Variants in C1QL4 observed in about 807,000 individuals in gnomAD.
C1QL4 encodes the protein complement C1q-like protein 4.
A neutral mutation model predicts 13.4 loss-of-function variants in C1QL4; 5 were observed. The observed-to-expected ratio is 0.37, with a 90% CI of 0.19 to 0.78. The LOEUF is 0.78. Ranked by LOEUF, C1QL4 falls within the 30% of genes least tolerant of loss-of-function variation. C1QL4 has a pLI of 0.47. For synonymous variants in C1QL4, 168 were observed against 153.9 expected (o/e 1.09, Z -0.68); for missense variants, 367 against 361.6 (o/e 1.01, Z -0.12).
intron 1 of C1QL4, among the ~76,000 whole-genome samples, chr12:49,334,643 C>T (rs1282351843): frequency 2.0e-5 from 3 of 152,100 alleles, no homozygotes; most frequent in Non-Finnish European, 2.9e-5. Flanking sequence ...CTCTGAAACC[C>T]GCACGAATTA....
intron 1 of C1QL4, among the ~76,000 whole-genome samples, chr12:49,334,666 C>T (rs1044334080): frequency 6.6e-6 from 1 of 152,124 alleles, no homozygotes; most frequent in African/African-American, 2.4e-5. Flanking sequence ...TACACACTGG[C>T]CCCCTCCACC....
chr12:49,336,037 A>G lies in C1QL4; in HGVS notation c.441T>C (p.Thr147=). 6.2e-7 allele frequency: 1 copy of G among 1,612,058 alleles called. No homozygotes were observed. The highest frequency in any genetic ancestry group is 8.5e-7 in the Non-Finnish European group (1 of 1,179,826). Residue 147 remains threonine (T), a synonymous_variant, in exon 1 of 2, where the codon ACT becomes ACC. Coordinates refer to ENST00000334221, the MANE Select transcript of C1QL4 (RefSeq NM_001008223.2). The surrounding 1 kb of genome is among the most constrained non-coding windows in gnomAD (Gnocchi z 7.7). ...AGAAGTAGACGCCTGGCATGGGGCA[A>G]GTAAACTTGCCGCTGGCTGCCTCGT... ...NAYEAASGKF[T]CPMPGVYFFA...
At chr12:49,334,475 C>T (rs191957163) in intron 1 of C1QL4, among the ~76,000 whole-genome samples, 323 of 152,354 alleles carry the variant, frequency 2.1e-3, no homozygotes, top group South Asian at 5.2e-3. Flanking sequence ...TCATGGCGGT[C>T]GCTTCGGGCC....
intron 1 of C1QL4, among the ~76,000 whole-genome samples, chr12:49,334,483 G>T (rs1012812827): frequency 7.2e-5 from 11 of 152,238 alleles, no homozygotes; most frequent in African/African-American, 2.7e-4. Context: ...GTCGCTTCGG[G>T]CCTTCAGCCC....
Position 49,335,827 on chromosome 12 carries a change from G to C in C1QL4, c.537+114C>G, listed in dbSNP as rs147604790. On this transcript the variant is annotated intron_variant, in intron 1 of 1. Transcript: ENST00000334221. ...GTCATCTATCGTTCTTGGCAGCCTC[G>C]CGTTCCTGGATTCAGTGACGCTGTT... The C allele has an allele frequency of 2.1e-3, 2,743 of 1,312,296 alleles. 46 individuals carry two copies. In the African/African-American group the frequency reaches 0.033, roughly 16 times the overall value. 81.3% of individuals were successfully genotyped at this position (1,312,296 alleles called of 1,614,324 possible). A position where few individuals can be genotyped will look rare whatever the true frequency, so the allele number is the denominator to read the frequency against.
intron 1 of C1QL4, among the ~76,000 whole-genome samples, chr12:49,334,846 G>T (rs973649869): frequency 6.6e-6 from 1 of 152,030 alleles, no homozygotes; most frequent in Non-Finnish European, 1.5e-5. Flanking sequence ...GGGTTCCTGG[G>T]GCAGCCCGGC....
Position 49,333,155 on chromosome 12 carries a change from C to A in C1QL4, c.616G>T (p.Val206Leu), listed in dbSNP as rs769431841. The change falls in exon 2 of 2, where the codon GTG becomes TTG. Residue 206 changes from valine (V) to leucine (L), a missense_variant. By Grantham distance (32) the Val-to-Leu change is conservative. Transcript: ENST00000334221. ...AGCTTGATGAAGACCTCGTCGCCCA[C>A]GTCCAGGTGCAGAATGACGCTGTTG... is the stretch of plus-strand genomic sequence containing the variant. ...ASNSVILHLD[V>L]GDEVFIKLDG... 2.5e-6 allele frequency: 4 copies of A among 1,614,150 alleles called. No homozygotes were observed. The highest frequency in any genetic ancestry group is 2.7e-5 in the African/African-American group (2 of 75,042).
At position 49,336,906 on chromosome 12, in the gene C1QL4, C is replaced by G. The variant is rs1314902326; in HGVS notation, c.-429G>C. On this transcript the variant is annotated 5_prime_UTR_variant, in exon 1 of 2. Coordinates refer to ENST00000334221, the MANE Select transcript of C1QL4 (RefSeq NM_001008223.2). This position sits in a 1 kb window ranked among gnomAD's most constrained non-coding sequence, Gnocchi z 7.7. ...GACTGCTGCTCTCTCAGGGATGGCGCGGTGCCTGGGTCCCAGACTGCCCAG... is the reference window on the plus strand; with the variant it reads ...GACTGCTGCTCTCTCAGGGATGGCGGGGTGCCTGGGTCCCAGACTGCCCAG... 6.1e-6 allele frequency: 1 copy of G among 164,348 alleles called. No individual in the cohort carries two copies. The highest frequency in any genetic ancestry group is 1.3e-5 in the Non-Finnish European group (1 of 76,282). The allele number at this position is 164,348 out of a possible 1,614,324, so 10.2% of individuals were successfully genotyped here. A position where few individuals can be genotyped will look rare whatever the true frequency, so the allele number is the denominator to read the frequency against.
Position 49,333,221 on chromosome 12 carries a change from C to T in C1QL4, c.550G>A (p.Ala184Thr). 6.2e-7 allele frequency: 1 copy of T among 1,613,798 alleles called. No individual in the cohort carries two copies. The highest frequency in any genetic ancestry group is 8.5e-7 in the Non-Finnish European group (1 of 1,179,868). Reference sequence around the variant, plus strand: ...TTCTGGTCCGCGTCCTGAGCAATGGCGCTGGCCCGGACCTATCGAGGGAGA... The same window carrying T: ...TTCTGGTCCGCGTCCTGAGCAATGGTGCTGGCCCGGACCTATCGAGGGAGA... ...LMKNGQVRASAIAQDADQNYD... is the reference protein window; with the variant it reads ...LMKNGQVRASTIAQDADQNYD... The change falls in exon 2 of 2, where the codon GCC (alanine) becomes ACC (threonine). Residue 184 changes from alanine to threonine, a missense_variant. By Grantham distance (58) the Ala-to-Thr change is moderately conservative. Transcript: ENST00000334221.
chr12:49,333,004 G>A lies in C1QL4; in HGVS notation c.*50C>T. ...GCCTCGGGTGGGGCGGGCAGGAGGT[G>A]GGTGAGGACGGGAGAGAAGGGGCGA... On this transcript the variant is annotated 3_prime_UTR_variant, in exon 2 of 2. Transcript: ENST00000334221. The A allele has an allele frequency of 9.8e-6, 15 of 1,527,010 alleles. No individual in the cohort carries two copies. Among genetic ancestry groups the A allele is most frequent in the Non-Finnish European group, 1.3e-5 (15 of 1,128,784 alleles). 94.6% of individuals were successfully genotyped at this position (1,527,010 alleles called of 1,614,324 possible). A position where few individuals can be genotyped will look rare whatever the true frequency, so the allele number is the denominator to read the frequency against.
At position 49,336,430 on chromosome 12, in the gene C1QL4, G is replaced by T. The variant is rs1477869831; in HGVS notation, c.48C>A (p.Ser16=). 1 of 1,549,712 alleles carries T rather than the reference G, an allele frequency of 6.5e-7. No individual in the cohort carries two copies. The highest frequency in any genetic ancestry group is 8.6e-7 in the Non-Finnish European group (1 of 1,161,372). The change falls in exon 1 of 2, where the codon TCC becomes TCA. Residue 16 remains serine, a synonymous_variant. Transcript: ENST00000334221. The surrounding 1 kb of genome is among the most constrained non-coding windows in gnomAD (Gnocchi z 7.7). The part of the protein sequence containing the change: ...LVAIPLLVHS[S]RGPAHYEMLG... ...GCATCTCGTAGTGCGCTGGCCCGCG[G>T]GAGCTGTGCACCAGCAGCGGGATGG...
In C1QL4 at chr12:49,332,947, C is replaced by T. The variant is rs1179692304; in HGVS notation, c.*107G>A. On this transcript the variant is annotated 3_prime_UTR_variant, in exon 2 of 2. Transcript: ENST00000334221. ...CGCCTCCGGGAACGGAAGGGTCCAC[C>T]CCACCGCCAGGCTCTCAAAGGGTGG... 2.5e-6 allele frequency: 3 copies of T among 1,224,034 alleles called. No individual in the cohort carries two copies. The highest frequency in any genetic ancestry group is 2.8e-4 in the Middle Eastern group (1 of 3,546). The allele number at this position is 1,224,034 out of a possible 1,614,324, so 75.8% of individuals were successfully genotyped here.
intron 1 of C1QL4, among the ~76,000 whole-genome samples, chr12:49,335,547 TGA>T (rs1179945249): frequency 6.6e-6 from 1 of 152,172 alleles, no homozygotes; most frequent in African/African-American, 2.4e-5. Context: ...AATGCAAGGC[TGA>T]GAGACCCAAA....
rs1943598248 is a variant in C1QL4 at position 49,332,524 on chromosome 12, A to C, written c.*530T>G. 6.2e-6 allele frequency: 1 copy of C among 160,108 alleles called. No individual in the cohort carries two copies. Among genetic ancestry groups the C allele is most frequent in the African/African-American group, 2.4e-5 (1 of 41,506 alleles). The allele number at this position is 160,108 out of a possible 1,614,324, so 9.9% of individuals were successfully genotyped here. Reference sequence around the variant, plus strand: ...CGTTTTAAATGCCAGGAAAGAATTCACTGGTTCCTCCAGTTCACAGGAAGG... The same window carrying C: ...CGTTTTAAATGCCAGGAAAGAATTCCCTGGTTCCTCCAGTTCACAGGAAGG... On this transcript the variant is annotated 3_prime_UTR_variant, in exon 2 of 2. Transcript: ENST00000334221.
chr12:49,334,695 A>G (rs1164633986), intron 1 of C1QL4, among the ~76,000 whole-genome samples: 3 of 152,026 alleles, frequency 2.0e-5, no homozygotes, highest in Non-Finnish European at 2.9e-5. Context: ...GATACCCTGC[A>G]TGGACCAAGC....
At chr12:49,335,616 C>T (rs1350842627) in intron 1 of C1QL4, among the ~76,000 whole-genome samples, 2 of 152,158 alleles carry the variant, frequency 1.3e-5, no homozygotes, top group South Asian at 2.1e-4. Flanking sequence ...AGAAAAGAAG[C>T]GAGTTGGCAG....
In C1QL4 at chr12:49,336,213, G is replaced by C; in HGVS notation, c.265C>G (p.Pro89Ala). ...GGACCTGGACCGGGAGGGCCCGGGG[G>C]GCCTGGCCTGCCGGGTTCTCCTGGG... ...GPPGEPGRPG[P>A]PGPPGPGPGG... The change falls in exon 1 of 2, where the codon CCC becomes GCC. Residue 89 changes from proline to alanine, a missense_variant. By Grantham distance (27) the Pro-to-Ala change is conservative (BLOSUM62 -1). Coordinates refer to ENST00000334221, the MANE Select transcript of C1QL4 (RefSeq NM_001008223.2). The surrounding 1 kb of genome is among the most constrained non-coding windows in gnomAD (Gnocchi z 7.7). 6.6e-7 allele frequency: 1 copy of C among 1,525,422 alleles called. No homozygotes were observed. Among genetic ancestry groups the C allele is most frequent in the Non-Finnish European group, 8.8e-7 (1 of 1,138,798 alleles). 94.5% of individuals were successfully genotyped at this position (1,525,422 alleles called of 1,614,324 possible).
chr12:49,332,671 C>T lies in C1QL4; in HGVS notation c.*383G>A, dbSNP rs761657007. On this transcript the variant is annotated 3_prime_UTR_variant, in exon 2 of 2. Transcript: ENST00000334221. ...ATGTCTTCTCTTGCCTAAATGGGCT[C>T]CTCCTGTTTCTGTTATTTCCCTCGC... The T allele has an allele frequency of 6.4e-5, 12 of 186,924 alleles. No individual in the cohort carries two copies. Among genetic ancestry groups the T allele is most frequent in the Non-Finnish European group, 1.2e-4 (11 of 89,550 alleles). The allele number at this position is 186,924 out of a possible 1,614,324, so 11.6% of individuals were successfully genotyped here. A position where few individuals can be genotyped will look rare whatever the true frequency, so the allele number is the denominator to read the frequency against.
intron 1 of C1QL4, among the ~76,000 whole-genome samples, chr12:49,335,591 G>A (rs1943624974): frequency 6.6e-6 from 1 of 152,160 alleles, no homozygotes; most frequent in African/African-American, 2.4e-5. Context: ...AGAAAGGATA[G>A]CCCAAGACAG....
Sources: gnomAD v4.1 joint callset for allele counts (sites outside exome capture counted in the v4.1 genomes callset) on GRCh38, gnomAD v4.1.1 for gene constraint, Gnocchi (gnomAD v3.1) non-coding constraint, MANE v1.5 for transcripts, NCBI Gene and HGNC (gene_info 2026-07-23, HGNC 2026-07-21) for gene names.